Variants in ZC3H12B observed in about 807,000 individuals in gnomAD.
ZC3H12B encodes the protein probable ribonuclease ZC3H12B.
ZC3H12B carries 7 observed loss-of-function variants against 43.9 expected under a neutral mutation model. The observed-to-expected ratio is 0.16, with a 90% CI of 0.09 to 0.30. The LOEUF is 0.30. Ranked by LOEUF, ZC3H12B falls within the 10% of genes least tolerant of loss-of-function variation. The pLI, the probability that ZC3H12B is intolerant of heterozygous loss-of-function variation, is 1.00. For missense variants in ZC3H12B, 475 were observed against 670.2 expected (o/e 0.71, Z 3.22); for synonymous variants, 222 against 241.7 (o/e 0.92, Z 0.76).
chrX:65,259,074 C>A, the ZC3H12B span, among the ~76,000 whole-genome samples: 1 of 111,863 alleles, frequency 8.9e-6, no homozygotes, highest in Non-Finnish European at 1.9e-5. Flanking sequence ...ATTAAAAATT[C>A]ATGTGGAACT....
At chrX:65,317,291 G>A in the ZC3H12B span, among the ~76,000 whole-genome samples, 1 of 109,615 alleles carries the variant, frequency 9.1e-6, no homozygotes, top group Non-Finnish European at 1.9e-5. Context: ...CCACGGTCTT[G>A]GGCAGGAGTG....
the ZC3H12B span, among the ~76,000 whole-genome samples, chrX:65,244,201 G>A: frequency 3.2e-4 from 35 of 110,749 alleles, no homozygotes; most frequent in Middle Eastern, 9.3e-3. Flanking sequence ...GTCATTATAC[G>A]TTGTATACTT....
chrX:65,366,151 T>C (rs375523824), upstream of ZC3H12B, among the ~76,000 whole-genome samples: 3 of 108,514 alleles, frequency 2.8e-5, no homozygotes, highest in African/African-American at 1.0e-4. Context: ...ATATATTTCT[T>C]GGTAAATATA....
the ZC3H12B span, among the ~76,000 whole-genome samples, chrX:65,326,027 G>T: frequency 2.7e-5 from 3 of 111,693 alleles, no homozygotes; most frequent in South Asian, 1.1e-3. Context: ...TTTGACCCTT[G>T]TCTGACACAT....
exon 5 of ZC3H12B, chrX:65,502,870 G>A (rs368356777): frequency 8.3e-7 from 1 of 1,211,407 alleles, no homozygotes; most frequent in East Asian, 3.0e-5. Flanking sequence ...CCCTGTGCCG[G>A]GAACAGCATG....
chrX:65,129,200 G>A, the ZC3H12B span, among the ~76,000 whole-genome samples: 1 of 105,411 alleles, frequency 9.5e-6, no homozygotes, highest in African/African-American at 3.6e-5. Context: ...TTTTTTGAGT[G>A]TATCTCTTTG....
the ZC3H12B span, among the ~76,000 whole-genome samples, chrX:65,102,744 C>T: frequency 5.4e-5 from 6 of 111,117 alleles, no homozygotes; most frequent in Admixed American, 2.9e-4. Context: ...AACCCGTCCC[C>T]GATAATTCAA....
chrX:65,453,635 T>C (rs1024264207), intron 3 of ZC3H12B, among the ~76,000 whole-genome samples: 3 of 107,077 alleles, frequency 2.8e-5, no homozygotes, highest in Middle Eastern at 4.3e-3. Context: ...GGTGGGATAA[T>C]TGTTTGAACA....
the ZC3H12B span, among the ~76,000 whole-genome samples, chrX:65,079,710 A>G: frequency 2.7e-5 from 3 of 112,365 alleles, no homozygotes; most frequent in African/African-American, 9.7e-5. Context: ...AACACAACAC[A>G]TAAGTACTTT....
At chrX:65,174,685 G>A in the ZC3H12B span, among the ~76,000 whole-genome samples, 759 of 111,645 alleles carry the variant, frequency 6.8e-3, 9 homozygotes, top group African/African-American at 0.023. Context: ...GGGGAAAACC[G>A]CCTACTCTAA....
At chrX:65,339,960 CT>C in the ZC3H12B span, among the ~76,000 whole-genome samples, 2 of 111,671 alleles carry the variant, frequency 1.8e-5, no homozygotes, top group African/African-American at 3.3e-5. Context: ...CCTGTCACTA[CT>C]GCTGGTGGGA....
At chrX:65,409,343 T>C (rs1402752420) in intron 3 of ZC3H12B, among the ~76,000 whole-genome samples, 1 of 111,117 alleles carries the variant, frequency 9.0e-6, no homozygotes, top group East Asian at 2.8e-4. Context: ...AGTATCATAC[T>C]GAATGGGGAA....
the ZC3H12B span, chrX:65,272,135 A>C: frequency 1.8e-5 from 2 of 109,494 alleles, no homozygotes; most frequent in East Asian, 5.7e-4. Flanking sequence ...AATGGTGCGA[A>C]CATGGGAGGT....
chrX:65,149,044 T>C, the ZC3H12B span, among the ~76,000 whole-genome samples: 1 of 112,020 alleles, frequency 8.9e-6, no homozygotes, highest in Non-Finnish European at 1.9e-5. Context: ...ACTGTGTTTC[T>C]CTGTGTTTTT....
At chrX:65,169,933 A>G in the ZC3H12B span, among the ~76,000 whole-genome samples, 20 of 111,731 alleles carry the variant, frequency 1.8e-4, no homozygotes, top group African/African-American at 2.3e-4. Context: ...GTGTCTCTGC[A>G]CACGAGACGG....
the ZC3H12B span, among the ~76,000 whole-genome samples, chrX:65,216,915 C>A: frequency 8.9e-6 from 1 of 111,830 alleles, no homozygotes; most frequent in Non-Finnish European, 1.9e-5. Context: ...CATGTGCCGA[C>A]TAAAATGGCT....
chrX:65,212,322 T>TA, the ZC3H12B span, among the ~76,000 whole-genome samples: 14 of 11,079 alleles, frequency 1.3e-3, no homozygotes, highest in Admixed American at 3.4e-3. Context: ...ATTATTATAT[T>TA]TATATTATAT....
the ZC3H12B span, among the ~76,000 whole-genome samples, chrX:65,219,406 AT>A: frequency 1.8e-5 from 2 of 112,068 alleles, no homozygotes; most frequent in African/African-American, 3.2e-5. Context: ...AATCAAAAAA[AT>A]GATACAGGAT....
At chrX:65,161,076 T>G in the ZC3H12B span, among the ~76,000 whole-genome samples, 6 of 111,387 alleles carry the variant, frequency 5.4e-5, no homozygotes, top group Non-Finnish European at 7.5e-5. Flanking sequence ...CAGTTTTTAG[T>G]GAGTTTCTTA....
Sources: gnomAD v4.1 joint callset for allele counts (sites outside exome capture counted in the v4.1 genomes callset) on GRCh38, gnomAD v4.1.1 for gene constraint, MANE v1.5 for transcripts, NCBI Gene and HGNC (gene_info 2026-07-23, HGNC 2026-07-21) for gene names.